The following TMEM178B variants were observed in gnomAD, a reference collection of about 807,000 sequenced individuals.
TMEM178B encodes transmembrane protein 178B.
Under a neutral mutation model 31.0 loss-of-function variants are expected in TMEM178B, and 5 were observed. That is an observed-to-expected ratio of 0.16 (90% confidence interval 0.08 to 0.34). The LOEUF is 0.34. Among genes scored for constraint, TMEM178B ranks in the 10% least tolerant of loss-of-function variants. The pLI, the probability that TMEM178B is intolerant of heterozygous loss-of-function variation, is 1.00. For synonymous variants in TMEM178B, 164 were observed against 164.0 expected, an observed-to-expected ratio of 1.00 and a Z score of 0.00; for missense variants, 275 against 400.3, an observed-to-expected ratio of 0.69 and a Z score of 2.67.
intron 3 of TMEM178B, among the ~76,000 whole-genome samples, chr7:141,463,834 G>C (rs975134043): frequency 1.3e-5 from 2 of 152,214 alleles, no homozygotes; most frequent in African/African-American, 2.4e-5. Context: ...AGGTTGGCTA[G>C]GTAGGCAGGA....
At chr7:141,396,631 C>G (rs2116612883) in intron 2 of TMEM178B, among the ~76,000 whole-genome samples, 1 of 152,344 alleles carries the variant, frequency 6.6e-6, no homozygotes, top group South Asian at 2.1e-4. Context: ...ATATCTGCAT[C>G]TGTTCACAGG....
intron 1 of TMEM178B, among the ~76,000 whole-genome samples, chr7:141,079,179 C>T (rs1485279966): frequency 1.3e-5 from 2 of 152,078 alleles, no homozygotes; most frequent in South Asian, 2.1e-4. Context: ...GCCAGCTACT[C>T]AGGAGGCTGA....
the TMEM178B span, among the ~76,000 whole-genome samples, chr7:141,509,573 C>T: frequency 6.6e-6 from 1 of 152,166 alleles, no homozygotes; most frequent in African/African-American, 2.4e-5. Flanking sequence ...TCGCATGAAC[C>T]TGGGAGGTGG....
At chr7:141,336,213 G>A (rs1348157023) in intron 2 of TMEM178B, among the ~76,000 whole-genome samples, 1 of 151,946 alleles carries the variant, frequency 6.6e-6, no homozygotes, top group Non-Finnish European at 1.5e-5. Context: ...ACCCACCCTG[G>A]CCACTCTGTA....
Position 141,473,441 on chromosome 7 carries a change from T to C in TMEM178B, c.*2655T>C, listed in dbSNP as rs187196346. On this transcript the variant is annotated 3_prime_UTR_variant, in exon 4 of 4. Transcript: ENST00000565468. ...AATTTGCTATGAACCATTTAAACTT[T>C]TTGTAAGTAATCATGTTTGAGGATG... is the stretch of plus-strand genomic sequence containing the variant. The C allele has an allele frequency of 2.0e-5, 3 of 152,324 alleles. No homozygotes were observed. In the East Asian group the frequency reaches 5.8e-4, roughly 29 times the overall value. 9.4% of individuals were successfully genotyped at this position (152,324 alleles called of 1,614,324 possible).
At chr7:141,215,827 TTTCTTTCTTTC>T (rs1432085581) in intron 2 of TMEM178B, among the ~76,000 whole-genome samples, 1 of 67,340 alleles carries the variant, frequency 1.5e-5, no homozygotes, top group Non-Finnish European at 3.6e-5. Flanking sequence ...TCTTTCTTTC[TTTCTTTCTTTC>T]TTTTCTTTTC....
intron 2 of TMEM178B, among the ~76,000 whole-genome samples, chr7:141,226,413 A>G (rs191807001): frequency 3.3e-5 from 5 of 152,240 alleles, no homozygotes; most frequent in Admixed American, 3.3e-4. Flanking sequence ...TCACATTGCC[A>G]TCAGTACCTA....
rs776184798 is a variant in TMEM178B, at chr7:141,297,034, G to A, written c.496+84330G>A. ...ACTTGTACATCATGGTACATCCCTA[G>A]GGAAGTTGAGATTTACTGAGTTAAA... On this transcript the variant is annotated intron_variant, in intron 2 of 3. Transcript: ENST00000565468. 5 of 152,138 alleles carry A rather than the reference G, an allele frequency of 3.3e-5. No homozygotes were observed. The South Asian group carries it at 1.0e-3, about 32-fold the overall frequency. 9.4% of individuals were successfully genotyped at this position (152,138 alleles called of 1,614,324 possible).
chr7:141,265,624 A>T (rs530173455), intron 2 of TMEM178B, among the ~76,000 whole-genome samples: 1 of 152,288 alleles, frequency 6.6e-6, no homozygotes, highest in South Asian at 2.1e-4. Context: ...ATTGCTGGAT[A>T]ACCAAGTGGG....
chr7:141,508,484 C>T, the TMEM178B span, among the ~76,000 whole-genome samples: 59 of 152,190 alleles, frequency 3.9e-4, no homozygotes, highest in Non-Finnish European at 7.5e-4. Flanking sequence ...AAGTCACTTC[C>T]ACATTTTCGG....
intron 2 of TMEM178B, among the ~76,000 whole-genome samples, chr7:141,324,646 T>G (rs943902168): frequency 1.3e-5 from 2 of 151,840 alleles, no homozygotes; most frequent in African/African-American, 4.8e-5. Context: ...TGCCTCCCGG[T>G]TTTGAGAAAT....
chr7:141,103,205 C>T (rs1161369826), intron 1 of TMEM178B, among the ~76,000 whole-genome samples: 3 of 152,210 alleles, frequency 2.0e-5, no homozygotes, highest in Non-Finnish European at 4.4e-5. Flanking sequence ...CTTCTGAGAA[C>T]TTTGAAAGGA....
chr7:141,235,552 TGATGAGGCCCA>T (rs1220869298), intron 2 of TMEM178B, among the ~76,000 whole-genome samples: 1 of 152,212 alleles, frequency 6.6e-6, no homozygotes, highest in Non-Finnish European at 1.5e-5. Context: ...ATCATTTTAG[TGATGAGGCCCA>T]GAGAAATTTA....
chr7:141,335,688 G>A (rs1799373481), intron 2 of TMEM178B, among the ~76,000 whole-genome samples: 1 of 152,034 alleles, frequency 6.6e-6, no homozygotes, highest in South Asian at 2.1e-4. Flanking sequence ...CAATTTGATG[G>A]GATCTTGTTG....
intron 2 of TMEM178B, chr7:141,352,914 G>A (rs1280881493): frequency 2.0e-5 from 3 of 152,184 alleles, no homozygotes; most frequent in Admixed American, 1.3e-4. Context: ...AATGTGCCAG[G>A]CTCAGTAAGA....
chr7:141,157,755 C>T (rs573050632), intron 1 of TMEM178B, among the ~76,000 whole-genome samples: 5 of 152,300 alleles, frequency 3.3e-5, no homozygotes, highest in East Asian at 1.9e-4. Context: ...ATGACGCTTC[C>T]GGCGTGATGC....
intron 1 of TMEM178B, among the ~76,000 whole-genome samples, chr7:141,178,299 T>C (rs1796465333): frequency 6.6e-6 from 1 of 152,250 alleles, no homozygotes; most frequent in Admixed American, 6.5e-5. Flanking sequence ...GCAGACTGGA[T>C]AGAATAGACT....
intron 2 of TMEM178B, among the ~76,000 whole-genome samples, chr7:141,357,647 C>T (rs940305239): frequency 5.9e-5 from 9 of 152,062 alleles, no homozygotes; most frequent in East Asian, 1.9e-4. Context: ...ATAATTTTTG[C>T]GGGTGTATTT....
chr7:141,218,045 C>T (rs902341843), intron 2 of TMEM178B, among the ~76,000 whole-genome samples: 3 of 151,770 alleles, frequency 2.0e-5, no homozygotes, highest in African/African-American at 2.4e-5. Flanking sequence ...GAGTGAGAGA[C>T]GATTTCCCCT....
Sources: gnomAD v4.1 joint callset for allele counts (sites outside exome capture counted in the v4.1 genomes callset) on GRCh38, gnomAD v4.1.1 for gene constraint, MANE v1.5 for transcripts, NCBI Gene and HGNC (gene_info 2026-07-23, HGNC 2026-07-21) for gene names.